The following HYDIN variants were observed in gnomAD, a reference collection of about 807,000 sequenced individuals.
HYDIN encodes the protein HYDIN axonemal central pair apparatus protein, also known as axonemal central pair apparatus protein HYDIN.
Under a neutral mutation model 403.9 loss-of-function variants are expected in HYDIN, and 132 were observed. The ratio of observed to expected loss-of-function variants is 0.33; its 90% CI spans 0.28 to 0.38. The LOEUF is 0.38. HYDIN is among the 10% of genes least tolerant of loss of function. The pLI, the probability that HYDIN is intolerant of heterozygous loss-of-function variation, is 1.00. For synonymous variants in HYDIN, 1,202 were observed against 1,891.7 expected (o/e 0.64, Z 9.46); for missense variants, 2,827 against 5,009.5 (o/e 0.56, Z 13.15).
chr16:71,229,369 T>G (rs1197544157), intron 1 of HYDIN, among the ~76,000 whole-genome samples: 2 of 152,186 alleles, frequency 1.3e-5, no homozygotes, highest in African/African-American at 4.8e-5. Flanking sequence ...CAGTTTCTTG[T>G]AAAATTAATA....
rs1014817155 is a variant in HYDIN at position 70,943,752 on chromosome 16, G to T, written c.6669+60C>A. ...TGATGGCCCAGAACCTCTGTCCAGG[G>T]TGTGGGGATGGTGCGTGAATGCCAA... On this transcript the variant is annotated intron_variant, in intron 42 of 85. Transcript: ENST00000393567. 4.4e-6 allele frequency: 7 copies of T among 1,578,766 alleles called. No homozygotes were observed. In the African/African-American group the frequency reaches 9.4e-5, roughly 21 times the overall value.
intron 45 of HYDIN, among the ~76,000 whole-genome samples, chr16:70,930,291 G>A (rs2502717): frequency 9.5e-4 from 142 of 149,218 alleles, no homozygotes; most frequent in African/African-American, 3.5e-3. Context: ...CACCATCTTG[G>A]CCAACATGGC....
chr16:70,866,791 G>A (rs540547479), intron 66 of HYDIN, among the ~76,000 whole-genome samples: 29 of 152,162 alleles, frequency 1.9e-4, no homozygotes, highest in Non-Finnish European at 5.9e-5. Context: ...TTGGGAGACC[G>A]AGGTGGGTGG....
chr16:71,130,343 A>C (rs1237158210), intron 8 of HYDIN, among the ~76,000 whole-genome samples: 3 of 152,038 alleles, frequency 2.0e-5, no homozygotes, highest in African/African-American at 7.3e-5. Flanking sequence ...TGATTCCTCT[A>C]AGCCTCAGTG....
chr16:71,090,552 T>G (rs2083088110), intron 11 of HYDIN: 1 of 152,246 alleles, frequency 6.6e-6, no homozygotes. Flanking sequence ...CAGGCTGGAG[T>G]GCAGTGGCGC....
At chr16:71,017,878 G>C (rs1173449428) in intron 23 of HYDIN, among the ~76,000 whole-genome samples, 2 of 152,214 alleles carry the variant, frequency 1.3e-5, no homozygotes, top group Admixed American at 6.5e-5. Flanking sequence ...AATTAAAGTG[G>C]GCTTATGGAT....
intron 64 of HYDIN, 142 bp from the exon 65 acceptor site, chr16:70,872,321 A>C (rs1251581171): frequency 1.5e-5 from 8 of 548,770 alleles, no homozygotes; most frequent in African/African-American, 1.0e-4. Flanking sequence ...ATCTCTGAGT[A>C]ACAAGATTTC....
At chr16:71,024,430 C>G (rs1329973403) in intron 21 of HYDIN, among the ~76,000 whole-genome samples, 6 of 151,634 alleles carry the variant, frequency 4.0e-5, no homozygotes, top group African/African-American at 1.5e-4. Context: ...CATGGACGAA[C>G]AAGATCATGT....
Position 70,866,107 on chromosome 16 carries a change from T to C in HYDIN, c.11471+62A>G, listed in dbSNP as rs543253182. The C allele has an allele frequency of 8.4e-5, 99 of 1,173,386 alleles. No individual in the cohort carries two copies. The East Asian group carries it at 2.3e-3, about 27-fold the overall frequency. 72.7% of individuals were successfully genotyped at this position (1,173,386 alleles called of 1,614,324 possible). On this transcript the variant is annotated intron_variant, in intron 67 of 85. Coordinates refer to ENST00000393567, the MANE Select transcript of HYDIN (RefSeq NM_001270974.2). The stretch of plus-strand genomic sequence containing the variant: ...AGATAATAGACGTTTGATGAGTGAG[T>C]GAGTGAATGATGGAATGAAAGAGCT...
chr16:71,149,495 T>C (rs9746005), intron 7 of HYDIN, among the ~76,000 whole-genome samples: 2 of 151,958 alleles, frequency 1.3e-5, no homozygotes, highest in East Asian at 1.9e-4. Flanking sequence ...ACACACACGA[T>C]GTGTACAAGA....
At chr16:71,071,382 T>A (rs576908204) in intron 13 of HYDIN, among the ~76,000 whole-genome samples, 31 of 151,142 alleles carry the variant, frequency 2.1e-4, no homozygotes, top group Admixed American at 1.6e-3. Flanking sequence ...TACTCCTAGG[T>A]TTCTAGTTGC....
Position 70,868,597 on chromosome 16 carries a change from C to T in HYDIN, c.11283G>A (p.Met3761Ile), listed in dbSNP as rs2039915729. The change falls in exon 66 of 86, where the codon ATG becomes ATA. Residue 3761 changes from methionine (M) to isoleucine (I), a missense_variant. Transcript: ENST00000393567. ...TVKWVDVPRN[M>I]PGTFTTKRKV... ...TTCGTTTTGTAGTGAAAGTCCCAGG[C>T]ATGTTTCTGGGTACGTCCACCCACT... 6.2e-7 allele frequency: 1 copy of T among 1,613,084 alleles called. No individual in the cohort carries two copies.
At chr16:71,036,795 G>A (rs10852481) in intron 18 of HYDIN, among the ~76,000 whole-genome samples, 14,587 of 152,074 alleles carry the variant, frequency 0.096, 926 homozygotes, top group African/African-American at 0.18. Flanking sequence ...TACCTTACAC[G>A]AGTCAGCCTC....
chr16:71,204,563 T>C (rs1247790111), intron 1 of HYDIN, among the ~76,000 whole-genome samples: 1 of 152,246 alleles, frequency 6.6e-6, no homozygotes, highest in Non-Finnish European at 1.5e-5. Context: ...TTTATTAAAA[T>C]GTCAAATGTA....
intron 13 of HYDIN, among the ~76,000 whole-genome samples, chr16:71,078,354 T>G (rs2082680288): frequency 6.6e-6 from 1 of 152,200 alleles, no homozygotes; most frequent in South Asian, 2.1e-4. Context: ...TTGCGGTAAT[T>G]TTAATAACGT....
At position 71,230,624 on chromosome 16, in the gene HYDIN, A is replaced by G. The variant is rs925510117; in HGVS notation, c.-86T>C. The G allele has an allele frequency of 1.0e-5, 16 of 1,535,728 alleles. 1 individual carries two copies. The South Asian group carries it at 1.1e-4, about 10-fold the overall frequency. Reference sequence around the variant, plus strand: ...ATTCCCCGCCAAGACCCCGCGTCCAACTCACAGACCCCGCCGCCGCTGAGG... The same window carrying G: ...ATTCCCCGCCAAGACCCCGCGTCCAGCTCACAGACCCCGCCGCCGCTGAGG... On this transcript the variant is annotated 5_prime_UTR_variant, in exon 1 of 86. Transcript: ENST00000393567.
intron 25 of HYDIN, among the ~76,000 whole-genome samples, chr16:70,989,265 G>A (rs1381330147): frequency 2.6e-5 from 4 of 152,122 alleles, no homozygotes; most frequent in Admixed American, 6.5e-5. Context: ...TCTTGAACTC[G>A]TGGCCTCAAG....
intron 7 of HYDIN, among the ~76,000 whole-genome samples, chr16:71,141,939 CATTA>C (rs1466947126): frequency 6.6e-6 from 1 of 150,920 alleles, no homozygotes; most frequent in Non-Finnish European, 1.5e-5. Context: ...GTGGCACATT[CATTA>C]AAATGAATCA....
At chr16:70,878,361 AC>A (rs2040573156) in intron 62 of HYDIN, among the ~76,000 whole-genome samples, 1 of 143,614 alleles carries the variant, frequency 7.0e-6, no homozygotes, top group African/African-American at 2.7e-5. Context: ...TAGCATGAGA[AC>A]TGACAAATAC....
Sources: allele counts gnomAD v4.1 joint callset (sites outside exome capture counted in the v4.1 genomes callset), GRCh38; gene constraint gnomAD v4.1.1; transcripts MANE v1.5; gene names NCBI Gene and HGNC (gene_info 2026-07-23, HGNC 2026-07-21).